The following PCDHA5 variants were observed in gnomAD, a reference collection of about 807,000 sequenced individuals.
The protein encoded by PCDHA5 is protocadherin alpha 5.
Under a neutral mutation model 61.6 loss-of-function variants are expected in PCDHA5, and 43 were observed. That is an observed-to-expected ratio of 0.70 (90% CI 0.55 to 0.90). PCDHA5 has a LOEUF of 0.90. Among genes scored for constraint, PCDHA5 ranks in the 40% least tolerant of loss-of-function variants. The pLI, the probability that PCDHA5 is intolerant of heterozygous loss-of-function variation, is 0.00. For missense variants in PCDHA5, 1,298 were observed against 1,222.7 expected (o/e 1.06, Z -0.92); for synonymous variants, 627 against 543.9 (o/e 1.15, Z -2.13).
chr5:140,984,386 A>G (rs2097099955), intron 3 of PCDHA5, among the ~76,000 whole-genome samples: 1 of 152,202 alleles, frequency 6.6e-6, no homozygotes, highest in South Asian at 2.1e-4. Flanking sequence ...TTCAGATTCA[A>G]AAAATGTTGA....
Position 140,986,130 on chromosome 5 carries a change from G to T in PCDHA5, c.2500+3567G>T, listed in dbSNP as rs150350316. ...AGATAAAGATGCCACACTCTGAAAGGATCAACAAGGGCATCACCAAGTAAT... is the reference window on the plus strand; with the variant it reads ...AGATAAAGATGCCACACTCTGAAAGTATCAACAAGGGCATCACCAAGTAAT... On this transcript the variant is annotated intron_variant, in intron 3 of 3. Coordinates refer to ENST00000529859, the MANE Select transcript of PCDHA5 (RefSeq NM_018908.3). 8.5e-5 allele frequency among the ~76,000 whole-genome samples: 13 copies of T among 152,216 alleles called. 1 individual carries two copies. The East Asian group carries it at 2.5e-3, about 29-fold the overall frequency.
At chr5:140,975,486 A>G (rs1260336572) in intron 1 of PCDHA5, among the ~76,000 whole-genome samples, 4 of 152,228 alleles carry the variant, frequency 2.6e-5, no homozygotes, top group African/African-American at 4.8e-5. Flanking sequence ...GTTTATATCA[A>G]TGTTCATAAA....
Position 140,883,352 on chromosome 5 carries a change from G to A in PCDHA5, c.2352+59225G>A, listed in dbSNP as rs1554177776. ...TTCTTTGTCACTCCCCATCAGAGAA[G>A]ACACTCAGCCTAGCGCCATTATTGC... is the stretch of plus-strand genomic sequence containing the variant. On this transcript the variant is annotated intron_variant, in intron 1 of 3. Coordinates refer to ENST00000529859, the MANE Select transcript of PCDHA5 (RefSeq NM_018908.3). The A allele has an allele frequency of 1.9e-6, 3 of 1,614,164 alleles. No homozygotes were observed. In the East Asian group the frequency reaches 6.7e-5, roughly 36 times the overall value.
chr5:141,003,684 A>C (rs1425078507), intron 3 of PCDHA5, among the ~76,000 whole-genome samples: 1 of 152,240 alleles, frequency 6.6e-6, no homozygotes, highest in Non-Finnish European at 1.5e-5. Flanking sequence ...TTCTGATTTT[A>C]AAATATATCC....
At chr5:141,003,941 G>A (rs532794918) in intron 3 of PCDHA5, among the ~76,000 whole-genome samples, 1 of 152,236 alleles carries the variant, frequency 6.6e-6, no homozygotes, top group African/African-American at 2.4e-5. Flanking sequence ...TTTGCCTGAG[G>A]GTGAGCTAGG....
chr5:140,845,305 G>A lies in PCDHA5; in HGVS notation c.2352+21178G>A, dbSNP rs2150378227. Among the ~76,000 whole-genome samples the A allele has an allele frequency of 3.4e-4, 51 of 149,092 alleles. 5 individuals carry two copies. The highest frequency in any genetic ancestry group is 6.7e-4 in the Non-Finnish European group (45 of 66,692). On this transcript the variant is annotated intron_variant, in intron 1 of 3. Transcript: ENST00000529859. ...TTCCTATCCTGTCTATGTCTACCTG[G>A]TTCTCAGGTATTACTTTAATTACTG...
intron 1 of PCDHA5, among the ~76,000 whole-genome samples, chr5:140,895,037 C>G (rs28619398): frequency 6.6e-6 from 1 of 152,134 alleles, no homozygotes; most frequent in Non-Finnish European, 1.5e-5. Context: ...TTGTCCCCCA[C>G]CCACACCATT....
rs187904552 is a variant in PCDHA5 at position 140,875,781 on chromosome 5, T to C, written c.2352+51654T>C. ...TGTGCGGGCGGAGCGCGGAGTGCAGTATCCACCTGGAGGTGATCGTGGACA... is the reference window on the plus strand; with the variant it reads ...TGTGCGGGCGGAGCGCGGAGTGCAGCATCCACCTGGAGGTGATCGTGGACA... On this transcript the variant is annotated intron_variant, in intron 1 of 3. Coordinates refer to ENST00000529859, the MANE Select transcript of PCDHA5 (RefSeq NM_018908.3). 4.7e-3 allele frequency: 7,631 copies of C among 1,614,134 alleles called. 28 individuals carry two copies. Among genetic ancestry groups the C allele is most frequent in the Middle Eastern group, 6.4e-3 (39 of 6,062 alleles).
At chr5:140,824,409 A>G (rs1472430653) in intron 1 of PCDHA5, 3 of 535,638 alleles carry the variant, frequency 5.6e-6, no homozygotes, top group Non-Finnish European at 9.8e-6. Context: ...ATTGTAAGAC[A>G]TAGTTTGGAG....
intron 1 of PCDHA5, chr5:140,849,385 C>T: frequency 1.3e-6 from 2 of 1,527,726 alleles, no homozygotes; most frequent in South Asian, 2.3e-5. Context: ...CACATGGACC[C>T]CTTAAGTGGG....
chr5:140,911,055 G>A lies in PCDHA5; in HGVS notation c.2353-67894G>A, dbSNP rs576580251. The stretch of plus-strand genomic sequence containing the variant: ...CTAGAAGCAAACAGGGGTGGTGGGG[G>A]GTGGGTCCTGAGGAGAATCAACATT... On this transcript the variant is annotated intron_variant, in intron 1 of 3. Transcript: ENST00000529859. 5.3e-5 allele frequency among the ~76,000 whole-genome samples: 8 copies of A among 152,158 alleles called. 1 individual carries two copies. The highest frequency in any genetic ancestry group is 5.2e-4 in the Admixed American group (8 of 15,266).
chr5:140,937,964 A>G (rs1298140144), intron 1 of PCDHA5, among the ~76,000 whole-genome samples: 1 of 152,164 alleles, frequency 6.6e-6, no homozygotes, highest in East Asian at 1.9e-4. Flanking sequence ...GAAAGTATAT[A>G]GAAATAATAC....
chr5:140,836,887 T>C, intron 1 of PCDHA5: 1 of 643,788 alleles, frequency 1.6e-6, no homozygotes, highest in South Asian at 2.6e-5. Context: ...CACTAATTAT[T>C]TGGAAGTACG....
At chr5:140,967,970 C>T (rs2096204544) in intron 1 of PCDHA5, 2 of 1,614,202 alleles carry the variant, frequency 1.2e-6, no homozygotes, top group South Asian at 2.2e-5. Context: ...GAAAGTGAGC[C>T]TGGGTCTGGA....
At chr5:140,895,437 C>A (rs1250254286) in intron 1 of PCDHA5, among the ~76,000 whole-genome samples, 3 of 152,172 alleles carry the variant, frequency 2.0e-5, no homozygotes, top group Non-Finnish European at 2.9e-5. Context: ...TCCTGAGACT[C>A]TTTTCATGTG....
intron 1 of PCDHA5, chr5:140,876,434 A>G (rs2056340599): frequency 1.2e-6 from 2 of 1,613,976 alleles, no homozygotes; most frequent in Non-Finnish European, 1.7e-6. Flanking sequence ...ATTCAGGTTA[A>G]CGCCATTGAT....
chr5:140,876,473 G>A, intron 1 of PCDHA5: 1 of 1,614,038 alleles, frequency 6.2e-7, no homozygotes, highest in South Asian at 1.1e-5. Context: ...GCAGGTCACA[G>A]CATGGTCCTG....
chr5:140,995,893 A>T (rs1038677586), intron 3 of PCDHA5, among the ~76,000 whole-genome samples: 1 of 152,182 alleles, frequency 6.6e-6, no homozygotes, highest in Non-Finnish European at 1.5e-5. Flanking sequence ...AGATTTATCA[A>T]TGTATAAAAG....
At chr5:140,887,976 TA>T (rs1462545504) in intron 1 of PCDHA5, among the ~76,000 whole-genome samples, 1 of 152,256 alleles carries the variant, frequency 6.6e-6, no homozygotes, top group African/African-American at 2.4e-5. Context: ...TTTTAAAATT[TA>T]TTTTACATGT....
Sources: gnomAD v4.1 joint callset for allele counts (sites outside exome capture counted in the v4.1 genomes callset) on GRCh38, gnomAD v4.1.1 for gene constraint, MANE v1.5 for transcripts, NCBI Gene and HGNC (gene_info 2026-07-23, HGNC 2026-07-21) for gene names.